The following SLC24A2 variants were observed in gnomAD, a reference collection of about 807,000 sequenced individuals.
The protein encoded by SLC24A2 is solute carrier family 24 member 2.
A neutral mutation model predicts 62.0 loss-of-function variants in SLC24A2; 36 were observed. The ratio of observed to expected loss-of-function variants is 0.58; its 90% CI spans 0.44 to 0.77. The LOEUF is 0.77. SLC24A2 is among the 30% of genes least tolerant of loss of function. SLC24A2 has a pLI of 0.00. For synonymous variants in SLC24A2, 358 were observed against 294.0 expected (o/e 1.22, Z -2.23); for missense variants, 846 against 817.9 (o/e 1.03, Z -0.42).
At chr9:19,603,250 C>G (rs559018620) in intron 4 of SLC24A2, among the ~76,000 whole-genome samples, 13 of 152,118 alleles carry the variant, frequency 8.5e-5, no homozygotes, top group African/African-American at 3.1e-4. Flanking sequence ...TTTTGCTTGT[C>G]TATAAATTGA....
At chr9:19,765,844 C>T (rs928501784) in intron 2 of SLC24A2, among the ~76,000 whole-genome samples, 1 of 152,088 alleles carries the variant, frequency 6.6e-6, no homozygotes, top group African/African-American at 2.4e-5. Flanking sequence ...TGTTGGCCTG[C>T]CTTGCTAGGT....
chr9:19,991,626 G>A, the SLC24A2 span, among the ~76,000 whole-genome samples: 2 of 152,136 alleles, frequency 1.3e-5, no homozygotes, highest in African/African-American at 4.8e-5. Context: ...CAGGACTACT[G>A]TATTTGGTTC....
the SLC24A2 span, among the ~76,000 whole-genome samples, chr9:19,847,733 A>AT: frequency 6.6e-6 from 1 of 152,204 alleles, no homozygotes; most frequent in East Asian, 1.9e-4. Flanking sequence ...GACTATTTTC[A>AT]TTTTTTCTTC....
chr9:19,554,135 AG>A (rs1229977619), intron 7 of SLC24A2, among the ~76,000 whole-genome samples: 1 of 152,172 alleles, frequency 6.6e-6, no homozygotes, highest in East Asian at 1.9e-4. Context: ...GAGAGACACT[AG>A]GGGTTCCTTT....
the SLC24A2 span, among the ~76,000 whole-genome samples, chr9:19,869,035 G>A: frequency 6.6e-6 from 1 of 152,128 alleles, no homozygotes; most frequent in Non-Finnish European, 1.5e-5. Context: ...AGGCTGGAGT[G>A]CAGTGGCAGG....
intron 2 of SLC24A2, among the ~76,000 whole-genome samples, chr9:19,741,747 GT>G (rs1472539085): frequency 6.6e-6 from 1 of 152,150 alleles, no homozygotes; most frequent in Non-Finnish European, 1.5e-5. Context: ...TATATACTCT[GT>G]CCTTGCTGCC....
the SLC24A2 span, among the ~76,000 whole-genome samples, chr9:19,855,853 TCTC>T: frequency 1.3e-5 from 2 of 152,356 alleles, no homozygotes; most frequent in Admixed American, 6.5e-5. Context: ...TTGGGGAAGT[TCTC>T]CTGGATAATA....
Position 19,597,303 on chromosome 9 carries a change from C to A in SLC24A2, c.1079-24G>T, listed in dbSNP as rs753367959. ...TTCTACAACATCACAGTAAAAGACA[C>A]AAAGATAAGGAACGAGCTATAATGC... On this transcript the variant is annotated intron_variant, in intron 4 of 10. Coordinates refer to ENST00000341998, the MANE Select transcript of SLC24A2 (RefSeq NM_020344.4). 1.3e-5 allele frequency: 19 copies of A among 1,463,562 alleles called. No individual in the cohort carries two copies. The South Asian group carries it at 1.8e-4, about 14-fold the overall frequency. 90.7% of individuals were successfully genotyped at this position (1,463,562 alleles called of 1,614,324 possible). A position where few individuals can be genotyped will look rare whatever the true frequency, so the allele number is the denominator to read the frequency against.
At chr9:19,551,692 G>C (rs145043812) in intron 7 of SLC24A2, among the ~76,000 whole-genome samples, 1,591 of 152,252 alleles carry the variant, frequency 0.01, 27 homozygotes, top group African/African-American at 0.037. Flanking sequence ...TCCAGCACCT[G>C]TGTCCCTACA....
At chr9:20,208,192 T>G in the SLC24A2 span, among the ~76,000 whole-genome samples, 1 of 152,188 alleles carries the variant, frequency 6.6e-6, no homozygotes, top group Non-Finnish European at 1.5e-5. Flanking sequence ...CACATGTGGG[T>G]GTTAACCACA....
intron 8 of SLC24A2, among the ~76,000 whole-genome samples, chr9:19,530,101 G>GGAAAT (rs1833630729): frequency 7.7e-6 from 1 of 129,712 alleles, no homozygotes; most frequent in Admixed American, 8.3e-5. Flanking sequence ...TTTTTTTTAA[G>GGAAAT]CTAGGAAATC....
chr9:20,051,274 A>G, the SLC24A2 span, among the ~76,000 whole-genome samples: 1 of 152,330 alleles, frequency 6.6e-6, no homozygotes, highest in Non-Finnish European at 1.5e-5. Context: ...CTTCATAATT[A>G]TAATGCTTTA....
At chr9:19,744,936 G>T (rs373911893) in intron 2 of SLC24A2, among the ~76,000 whole-genome samples, 1 of 152,090 alleles carries the variant, frequency 6.6e-6, no homozygotes. Context: ...ATTCTTGAAG[G>T]TCACTAGGAA....
At chr9:19,770,548 C>A (rs1364284066) in intron 2 of SLC24A2, among the ~76,000 whole-genome samples, 1 of 152,150 alleles carries the variant, frequency 6.6e-6, no homozygotes, top group Admixed American at 6.5e-5. Flanking sequence ...GATAGTGATC[C>A]ATTCCTATTA....
chr9:19,755,743 A>G (rs1342023965), intron 2 of SLC24A2, among the ~76,000 whole-genome samples: 1 of 152,192 alleles, frequency 6.6e-6, no homozygotes, highest in Admixed American at 6.5e-5. Context: ...TTAGTTTGTT[A>G]TCTGTAGACA....
chr9:19,690,182 AACAC>A (rs1005508585), intron 2 of SLC24A2, among the ~76,000 whole-genome samples: 1 of 152,030 alleles, frequency 6.6e-6, no homozygotes, highest in African/African-American at 2.4e-5. Context: ...GCTTTATACA[AACAC>A]ACACACACGC....
In SLC24A2 at chr9:19,514,461, GAGAAA is replaced by G. The variant is rs1215229124; in HGVS notation, c.*1687_*1691del. The G allele has an allele frequency of 6.6e-6, 1 of 152,160 alleles. No homozygotes were observed. The allele number at this position is 152,160 out of a possible 1,614,324, so 9.4% of individuals were successfully genotyped here. A position where few individuals can be genotyped will look rare whatever the true frequency, so the allele number is the denominator to read the frequency against. On this transcript the variant is annotated 3_prime_UTR_variant, in exon 11 of 11. Transcript: ENST00000341998. Reference sequence around the variant, plus strand: ...CTGATTTTAAGGAAAGCATGACTTGGAGAAAAGAAAAGTGCTCTACATAGTTTTCC... The same window carrying G: ...CTGATTTTAAGGAAAGCATGACTTGGAGAAAAGTGCTCTACATAGTTTTCC...
intron 4 of SLC24A2, among the ~76,000 whole-genome samples, chr9:19,606,713 A>G (rs567422165): frequency 2.6e-5 from 4 of 152,326 alleles, no homozygotes; most frequent in East Asian, 1.9e-4. Flanking sequence ...ATAAGCAACA[A>G]TGCTGATTGA....
the SLC24A2 span, among the ~76,000 whole-genome samples, chr9:20,101,733 T>C: frequency 1.3e-5 from 2 of 151,950 alleles, no homozygotes; most frequent in African/African-American, 4.8e-5. Context: ...TCAACTCAGG[T>C]CTGAAAAAAA....
Sources: allele counts gnomAD v4.1 joint callset (sites outside exome capture counted in the v4.1 genomes callset), GRCh38; gene constraint gnomAD v4.1.1; transcripts MANE v1.5; gene names NCBI Gene and HGNC (gene_info 2026-07-23, HGNC 2026-07-21).